The following TMEM63A variants were observed in gnomAD, a reference collection of about 807,000 sequenced individuals.
TMEM63A encodes transmembrane protein 63A.
Under a neutral mutation model 100.6 loss-of-function variants are expected in TMEM63A, and 76 were observed. The observed-to-expected ratio is 0.76, with a 90% confidence interval of 0.63 to 0.91. The LOEUF is 0.91. TMEM63A is among the 40% of genes least tolerant of loss of function. TMEM63A has a pLI of 0.00. For missense variants in TMEM63A, 876 were observed against 1,008.8 expected (o/e 0.87, Z 1.78); for synonymous variants, 401 against 401.1 (o/e 1.00, Z 0.00).
At position 225,845,924 on chromosome 1, in the gene TMEM63A, C is replaced by T; in HGVS notation, c.*1015G>A. On this transcript the variant is annotated 3_prime_UTR_variant, in exon 25 of 25. Coordinates refer to ENST00000366835, the MANE Select transcript of TMEM63A (RefSeq NM_014698.3). Reference sequence around the variant, plus strand: ...GTGCTAGGAGCCTGGACCTGCTCTTCCACACCCCCATCCCGCCCCTACTGC... The same window carrying T: ...GTGCTAGGAGCCTGGACCTGCTCTTTCACACCCCCATCCCGCCCCTACTGC... 1 of 173,442 alleles carries T rather than the reference C, an allele frequency of 5.8e-6. No individual in the cohort carries two copies. The highest frequency in any genetic ancestry group is 1.3e-5 in the Non-Finnish European group (1 of 79,792). 10.7% of individuals were successfully genotyped at this position (173,442 alleles called of 1,614,324 possible). A position where few individuals can be genotyped will look rare whatever the true frequency, so the allele number is the denominator to read the frequency against.
At chr1:225,866,450 G>A (rs1448419132) in intron 9 of TMEM63A, 124 bp downstream of exon 9, 1 of 743,710 alleles carries the variant, frequency 1.3e-6, no homozygotes, top group Non-Finnish European at 2.2e-6. Flanking sequence ...AAGCAAGCGG[G>A]GCTCCTGAGG....
chr1:225,871,115 T>G lies in TMEM63A; in HGVS notation c.334-2A>C. 6.2e-7 allele frequency: 1 copy of G among 1,613,856 alleles called. No individual in the cohort carries two copies. The highest frequency in any genetic ancestry group is 8.5e-7 in the Non-Finnish European group (1 of 1,179,774). ...GGCAGTCAGCCAGGGACAGCATCCCTGGAAACGGAGAGAACAGGGATTAGC... is the reference window on the plus strand; with the variant it reads ...GGCAGTCAGCCAGGGACAGCATCCCGGGAAACGGAGAGAACAGGGATTAGC... On this transcript the variant is annotated splice_acceptor_variant, in intron 5 of 24. Transcript: ENST00000366835. LOFTEE classifies it high-confidence loss of function.
At chr1:225,844,083 A>G (rs1668678915), downstream of TMEM63A, among the ~76,000 whole-genome samples, 1 of 152,154 alleles carries the variant, frequency 6.6e-6, no homozygotes. Flanking sequence ...AATAGTACCT[A>G]TGTCCCATAG....
chr1:225,841,112 T>G (rs904344542), downstream of TMEM63A: 1 of 152,190 alleles, frequency 6.6e-6, no homozygotes, highest in Admixed American at 6.5e-5. Context: ...ACACTCCAGA[T>G]GCCCCTCGGG....
chr1:225,876,122 A>G (rs1359804301), intron 3 of TMEM63A, among the ~76,000 whole-genome samples: 1 of 141,746 alleles, frequency 7.1e-6, no homozygotes, highest in African/African-American at 2.6e-5. Context: ...GCAGCACAAT[A>G]GAGGGTGACT....
Position 225,865,930 on chromosome 1 carries a change from T to C in TMEM63A, c.713A>G (p.Asp238Gly), listed in dbSNP as rs1461970235. ...RTLFITGLPR[D>G]ARKETVESHF... ...GCTCTCCACAGTCTCCTTCCTGGCA[T>C]CTCTGGGGAGTCCTGTGATGAACAG... Residue 238 changes from aspartate (D) to glycine (G), a missense_variant, in exon 10 of 25, where the codon GAT becomes GGT. By Grantham distance (94) the Asp-to-Gly change is moderately conservative. This residue lies in a region of TMEM63A where 487 missense variants were observed against 581.9 expected (regional missense o/e 0.84). Coordinates refer to ENST00000366835, the MANE Select transcript of TMEM63A (RefSeq NM_014698.3). The surrounding 1 kb of genome is among the most constrained non-coding windows in gnomAD (Gnocchi z 4.6). The C allele has an allele frequency of 2.5e-6, 4 of 1,614,030 alleles. No individual in the cohort carries two copies. The highest frequency in any genetic ancestry group is 3.4e-6 in the Non-Finnish European group (4 of 1,179,958).
intron 4 of TMEM63A, among the ~76,000 whole-genome samples, chr1:225,873,369 T>A (rs150364389): frequency 6.8e-4 from 103 of 152,262 alleles, no homozygotes; most frequent in Non-Finnish European, 1.2e-3. Flanking sequence ...CGGGGAAAGA[T>A]GGTGCATTTT....
At chr1:225,843,904 T>G (rs887378058), downstream of TMEM63A, among the ~76,000 whole-genome samples, 1 of 152,142 alleles carries the variant, frequency 6.6e-6, no homozygotes, top group African/African-American at 2.4e-5. Flanking sequence ...TTTATCTCTG[T>G]CCCTGCTCCC....
In TMEM63A at chr1:225,878,885, TACACACACACACACAC is replaced by T. The variant is rs55792328; in HGVS notation, c.-15+319_-15+334del. Among the ~76,000 whole-genome samples, 218 of 139,590 alleles carry T rather than the reference TACACACACACACACAC, an allele frequency of 1.6e-3. 3 individuals carry two copies. In the East Asian group the frequency reaches 0.042, roughly 27 times the overall value. 91.6% of individuals were successfully genotyped at this position (139,590 alleles called of 152,430 possible). On this transcript the variant is annotated intron_variant, in intron 2 of 24. Coordinates refer to ENST00000366835, the MANE Select transcript of TMEM63A (RefSeq NM_014698.3). ...ACACCTACCTACCTACCTACCTACC[TACACACACACACACAC>T]ACACACACACACACACACACACGAA...
intron 3 of TMEM63A, among the ~76,000 whole-genome samples, chr1:225,876,227 C>G (rs1670795054): frequency 6.6e-6 from 1 of 151,728 alleles, no homozygotes; most frequent in African/African-American, 2.4e-5. Context: ...CTTGGCCAAA[C>G]TCTCCCCACC....
At chr1:225,872,619 C>A (rs557132488) in intron 4 of TMEM63A, among the ~76,000 whole-genome samples, 2 of 151,866 alleles carry the variant, frequency 1.3e-5, no homozygotes, top group South Asian at 4.2e-4. Flanking sequence ...CTTGCGAGTA[C>A]CCCCATAAAA....
At chr1:225,866,940 A>G (rs1559046128) in intron 8 of TMEM63A, among the ~76,000 whole-genome samples, 172 bp downstream of exon 8, 1 of 152,170 alleles carries the variant, frequency 6.6e-6, no homozygotes, top group Non-Finnish European at 1.5e-5. Context: ...CTGGCAAAAC[A>G]GTGTCTGCCT....
At chr1:225,877,333 C>T in intron 3 of TMEM63A, 62 bp downstream of exon 3, 1 of 1,540,546 alleles carries the variant, frequency 6.5e-7, no homozygotes, top group Non-Finnish European at 8.8e-7. Context: ...CCCAGAAGGC[C>T]CTGGGTGGGG....
chr1:225,858,948 ATGTGTGTGTGTGTGTGTGTGTGTGTGTG>A lies in TMEM63A; in HGVS notation c.1377+220_1377+247del, dbSNP rs57543496. Reference sequence around the variant, plus strand: ...GCATGTGTGTGTATATATACATATAATGTGTGTGTGTGTGTGTGTGTGTGTGTGTGTGTGTGTGTGTGTGTGTGTATGG... The same window carrying A: ...GCATGTGTGTGTATATATACATATAATGTGTGTGTGTGTGTGTGTGTATGG... On this transcript the variant is annotated intron_variant, in intron 15 of 24. Coordinates refer to ENST00000366835, the MANE Select transcript of TMEM63A (RefSeq NM_014698.3). 8.6e-5 allele frequency among the ~76,000 whole-genome samples: 12 copies of A among 139,676 alleles called. No individual in the cohort carries two copies. In the Admixed American group the frequency reaches 8.6e-4, roughly 10 times the overall value. The allele number at this position is 139,676 out of a possible 152,430, so 91.6% of individuals were successfully genotyped here.
chr1:225,859,541 GT>G (rs1180302025), intron 14 of TMEM63A, 192 bp from the exon 15 acceptor site: 8 of 673,408 alleles, frequency 1.2e-5, no homozygotes, highest in Non-Finnish European at 1.9e-5. Flanking sequence ...TCTCTCAGAT[GT>G]GGCTCCCCAG....
intron 4 of TMEM63A, among the ~76,000 whole-genome samples, chr1:225,873,369 T>G (rs150364389): frequency 6.6e-6 from 1 of 152,144 alleles, no homozygotes; most frequent in South Asian, 2.1e-4. Context: ...CGGGGAAAGA[T>G]GGTGCATTTT....
chr1:225,846,834 G>A lies in TMEM63A; in HGVS notation c.*105C>T, dbSNP rs1435985608. On this transcript the variant is annotated 3_prime_UTR_variant, in exon 25 of 25. Transcript: ENST00000366835. ...CCACTGCTGGGACCAGAAAAGATGG[G>A]CACCTGATAGCTCAGCTGGGCAGTC... 5.4e-6 allele frequency: 3 copies of A among 557,744 alleles called. No homozygotes were observed. Among genetic ancestry groups the A allele is most frequent in the Non-Finnish European group, 8.9e-6 (3 of 337,424 alleles). 34.5% of individuals were successfully genotyped at this position (557,744 alleles called of 1,614,324 possible).
chr1:225,866,066 C>T (rs543515572), intron 9 of TMEM63A, 99 bp from the exon 10 acceptor site: 4 of 1,275,072 alleles, frequency 3.1e-6, no homozygotes, highest in Non-Finnish European at 4.5e-6. Flanking sequence ...AAGTAAACAA[C>T]AGGAAATCAG....
intron 24 of TMEM63A, 28 bp from the exon 25 acceptor site, chr1:225,846,960 C>T (rs1017220779): frequency 1.4e-5 from 20 of 1,480,182 alleles, no homozygotes; most frequent in Non-Finnish European, 1.7e-5. Context: ...AAGTCATGAA[C>T]TTGGGAGTCA....
Sources: gnomAD v4.1 joint callset for allele counts (sites outside exome capture counted in the v4.1 genomes callset) on GRCh38, gnomAD v4.1.1 for gene constraint, gnomAD v4.1.1 regional missense constraint, Gnocchi (gnomAD v3.1) non-coding constraint, MANE v1.5 for transcripts, NCBI Gene and HGNC (gene_info 2026-07-23, HGNC 2026-07-21) for gene names.